The following PFKFB3 variants were observed in gnomAD, a reference collection of about 807,000 sequenced individuals.
PFKFB3 encodes the protein 6-phosphofructo-2-kinase/fructose-2,6-biphosphatase 3.
A neutral mutation model predicts 68.0 loss-of-function variants in PFKFB3; 33 were observed. That is an observed-to-expected ratio of 0.49 (90% CI 0.37 to 0.65). The LOEUF (loss-of-function observed/expected upper bound fraction) is 0.65, where lower values mean the gene tolerates loss of function less well. PFKFB3 is among the 30% of genes least tolerant of loss of function. PFKFB3 has a pLI of 0.00. For missense variants in PFKFB3, 586 were observed against 712.2 expected (o/e 0.82, Z 2.02); for synonymous variants, 315 against 288.2 (o/e 1.09, Z -0.94).
intron 1 of PFKFB3, among the ~76,000 whole-genome samples, chr10:6,156,313 T>G (rs1183756207): frequency 6.6e-6 from 1 of 151,232 alleles, no homozygotes; most frequent in African/African-American, 2.4e-5. Context: ...GCCACCACAG[T>G]CTGCTTTTTT....
At chr10:6,181,209 T>C (rs189435863) in intron 1 of PFKFB3, among the ~76,000 whole-genome samples, 1 of 152,164 alleles carries the variant, frequency 6.6e-6, no homozygotes, top group African/African-American at 2.4e-5. Flanking sequence ...TTTGTAGAGA[T>C]AAAGTCTTGC....
chr10:6,173,514 C>A (rs992157165), intron 1 of PFKFB3, among the ~76,000 whole-genome samples: 2 of 152,108 alleles, frequency 1.3e-5, no homozygotes, highest in African/African-American at 4.8e-5. Context: ...GAAACACACA[C>A]CCCTTCCCCC....
At chr10:6,208,566 C>T (rs1330014081) in intron 1 of PFKFB3, among the ~76,000 whole-genome samples, 2 of 151,942 alleles carry the variant, frequency 1.3e-5, no homozygotes, top group Non-Finnish European at 2.9e-5. Flanking sequence ...CTTAAGGAAG[C>T]TGGGTGGGTG....
chr10:6,270,601 C>T, the PFKFB3 span, among the ~76,000 whole-genome samples: 11 of 152,286 alleles, frequency 7.2e-5, no homozygotes, highest in South Asian at 8.3e-4. Context: ...CACCTTTGTG[C>T]TTGCTGTTTC....
the PFKFB3 span, among the ~76,000 whole-genome samples, chr10:6,262,233 T>C: frequency 1.3e-5 from 2 of 151,454 alleles, no homozygotes; most frequent in Non-Finnish European, 2.9e-5. Context: ...GGCGGGCGGA[T>C]CACGAGGTCA....
chr10:6,181,504 A>G (rs1317139607), intron 1 of PFKFB3, among the ~76,000 whole-genome samples: 1 of 152,224 alleles, frequency 6.6e-6, no homozygotes, highest in Non-Finnish European at 1.5e-5. Context: ...CAATGTTCTG[A>G]GTGAAATAAG....
chr10:6,322,074 G>T, the PFKFB3 span, among the ~76,000 whole-genome samples: 15 of 152,116 alleles, frequency 9.9e-5, no homozygotes, highest in African/African-American at 3.4e-4. Flanking sequence ...CTGGTAAATT[G>T]TCTGTTGACA....
In PFKFB3 at chr10:6,222,853, A is replaced by G. The variant is rs751691140; in HGVS notation, c.1084-2A>G. 2 of 1,612,598 alleles carry G rather than the reference A, an allele frequency of 1.2e-6. No individual in the cohort carries two copies. The highest frequency in any genetic ancestry group is 1.7e-6 in the Non-Finnish European group (2 of 1,179,190). On this transcript the variant is annotated splice_acceptor_variant, in intron 10 of 14. Transcript: ENST00000379775. LOFTEE classifies it high-confidence loss of function. ...CACGTGGGCCCGGCCCTCTGTGCTC[A>G]GTCCTACCAGGACCTGGTCCAGCGC...
chr10:6,145,024 C>T, intron 1 of PFKFB3: 3 of 1,335,066 alleles, frequency 2.2e-6, no homozygotes, highest in Non-Finnish European at 2.9e-6. Flanking sequence ...GTAGGAGTCC[C>T]GGTGACGCGG....
exon 1 of PFKFB3, chr10:6,144,982 G>A (rs1037188556): frequency 2.3e-6 from 3 of 1,300,372 alleles, no homozygotes; most frequent in Middle Eastern, 2.6e-4. Context: ...GCCCCGCGGG[G>A]AGCGCCCCCG....
intron 1 of PFKFB3, among the ~76,000 whole-genome samples, chr10:6,169,666 G>A (rs1842247120): frequency 6.6e-6 from 1 of 152,110 alleles, no homozygotes; most frequent in African/African-American, 2.4e-5. Flanking sequence ...TGTATCCTGG[G>A]CTCTCTAGAG....
At chr10:6,273,728 T>G in the PFKFB3 span, among the ~76,000 whole-genome samples, 1 of 152,106 alleles carries the variant, frequency 6.6e-6, no homozygotes, top group Non-Finnish European at 1.5e-5. Context: ...GCTGATGTCC[T>G]TATAAAAAAG....
the PFKFB3 span, among the ~76,000 whole-genome samples, chr10:6,296,590 T>G: frequency 6.6e-6 from 1 of 152,180 alleles, no homozygotes; most frequent in Non-Finnish European, 1.5e-5. Context: ...TATTCATGAG[T>G]TTTCTAGGAA....
chr10:6,211,998 C>T (rs141705359), intron 1 of PFKFB3, among the ~76,000 whole-genome samples: 9 of 152,334 alleles, frequency 5.9e-5, no homozygotes, highest in Admixed American at 2.0e-4. Flanking sequence ...AGCTGCGGCC[C>T]GTCTGAGGGG....
chr10:6,289,568 C>T, the PFKFB3 span, among the ~76,000 whole-genome samples: 6 of 151,656 alleles, frequency 4.0e-5, no homozygotes, highest in South Asian at 1.2e-3. Flanking sequence ...ATCTATATCT[C>T]TGTTTTGGTA....
At chr10:6,179,464 A>C (rs901723930) in intron 1 of PFKFB3, among the ~76,000 whole-genome samples, 4 of 152,230 alleles carry the variant, frequency 2.6e-5, no homozygotes, top group Admixed American at 2.0e-4. Context: ...CCCAGCTGCA[A>C]GGGGCAGGAA....
intron 1 of PFKFB3, among the ~76,000 whole-genome samples, chr10:6,155,357 C>T (rs554125240): frequency 3.4e-4 from 52 of 152,008 alleles, no homozygotes; most frequent in African/African-American, 1.2e-3. Context: ...CGCCCACCAC[C>T]ACGCCCGGCT....
chr10:6,160,926 T>G (rs930972200), intron 1 of PFKFB3, among the ~76,000 whole-genome samples: 22 of 152,046 alleles, frequency 1.4e-4, no homozygotes, highest in Admixed American at 6.6e-5. Flanking sequence ...TTTTTTAAAT[T>G]TTTTTAATTT....
intron 1 of PFKFB3, among the ~76,000 whole-genome samples, chr10:6,190,500 G>A (rs563434649): frequency 1.0e-3 from 158 of 152,072 alleles, no homozygotes; most frequent in Non-Finnish European, 2.6e-4. Flanking sequence ...TATTCATTTT[G>A]TTGTTCACAT....
Sources: gnomAD v4.1 joint callset for allele counts (sites outside exome capture counted in the v4.1 genomes callset) on GRCh38, gnomAD v4.1.1 for gene constraint, MANE v1.5 for transcripts, NCBI Gene and HGNC (gene_info 2026-07-23, HGNC 2026-07-21) for gene names.